PI4KA: variants seen among roughly 807,000 people sequenced by gnomAD.
PI4KA encodes the protein phosphatidylinositol 4-kinase alpha.
A neutral mutation model predicts 271.4 loss-of-function variants in PI4KA; 122 were observed. The observed-to-expected ratio is 0.45, with a 90% CI of 0.39 to 0.52. The LOEUF (loss-of-function observed/expected upper bound fraction) is 0.52, where lower values mean the gene tolerates loss of function less well. Among genes scored for constraint, PI4KA ranks in the 20% least tolerant of loss-of-function variants. The probability of loss-of-function intolerance (pLI) is 0.00; values close to 1 mark genes in which losing one functional copy is unlikely to be tolerated. For missense variants in PI4KA, 1,969 were observed against 2,769.1 expected, an observed-to-expected ratio of 0.71 and a Z score of 6.48; for synonymous variants, 1,041 against 1,078.8, an observed-to-expected ratio of 0.96 and a Z score of 0.69.
chr22:20,848,237 C>CAAGAAAAAAAAAAAAAAAAAAAAAA (rs1569099398), intron 1 of PI4KA, among the ~76,000 whole-genome samples: 1 of 51,226 alleles, frequency 2.0e-5, no homozygotes. Flanking sequence ...GACTCCATCT[C>CAAGAAAAAAAAAAAAAAAAAAAAAA]AAAAAAAAAA....
chr22:20,748,256 T>C (rs1930327210), intron 28 of PI4KA, among the ~76,000 whole-genome samples: 1 of 152,190 alleles, frequency 6.6e-6, no homozygotes, highest in African/African-American at 2.4e-5. Flanking sequence ...GCACCGTCAA[T>C]GGGAGAGGGC....
intron 19 of PI4KA, chr22:20,779,618 C>A: frequency 6.2e-7 from 1 of 1,614,138 alleles, no homozygotes; most frequent in South Asian, 1.1e-5. Flanking sequence ...TGTCAGTTTC[C>A]CCGACAGACT....
At chr22:20,710,570 G>A in intron 52 of PI4KA, 129 bp downstream of exon 52, 6 of 786,192 alleles carry the variant, frequency 7.6e-6, no homozygotes, top group South Asian at 3.5e-5. Context: ...CAAAGGACAG[G>A]TGTAGGTCAG....
At position 20,712,618 on chromosome 22, in the gene PI4KA, G is replaced by A. The variant is rs757720465; in HGVS notation, c.5677-7C>T. On this transcript the variant is annotated splice_polypyrimidine_tract_variant and splice_region_variant and intron_variant, in intron 49 of 54. Transcript: ENST00000255882. The stretch of plus-strand genomic sequence containing the variant: ...TGCACTCGATCACCCCGCACTAGGA[G>A]GAAAGGCCAGTTCTGAGGCCCGCTG... The A allele has an allele frequency of 6.3e-7, 1 of 1,578,872 alleles. No individual in the cohort carries two copies. Among genetic ancestry groups the A allele is most frequent in the African/African-American group, 1.4e-5 (1 of 73,450 alleles).
At chr22:20,782,501 C>T (rs1476135710) in intron 19 of PI4KA, among the ~76,000 whole-genome samples, 1 of 152,144 alleles carries the variant, frequency 6.6e-6, no homozygotes, top group Admixed American at 6.5e-5. Flanking sequence ...GAATCATCTC[C>T]ATTACTAATT....
chr22:20,795,405 C>T (rs1934922875), intron 18 of PI4KA, among the ~76,000 whole-genome samples: 1 of 152,038 alleles, frequency 6.6e-6, no homozygotes, highest in South Asian at 2.1e-4. Flanking sequence ...TATGACCCAA[C>T]CCCAGCCAAT....
Position 20,747,598 on chromosome 22 carries a change from C to T in PI4KA, c.3348G>A (p.Gln1116=). The T allele has an allele frequency of 6.2e-7, 1 of 1,614,118 alleles. No homozygotes were observed. The highest frequency in any genetic ancestry group is 8.5e-7 in the Non-Finnish European group (1 of 1,180,002). The change falls in exon 29 of 55, where the codon CAG becomes CAA. Residue 1116 remains glutamine, a synonymous_variant. Coordinates refer to ENST00000255882, the MANE Select transcript of PI4KA (RefSeq NM_058004.4). ...TCGCACATACCCCAAGAGTTGTGTT[C>T]TGCTTGTTGTAGCCAGCAAAGTGAA... ...SILHFAGYNK[Q]NTTLGATQLS...
intron 30 of PI4KA, 81 bp from the exon 31 acceptor site, chr22:20,742,845 T>C: frequency 7.3e-7 from 1 of 1,371,122 alleles, no homozygotes; most frequent in South Asian, 1.2e-5. Flanking sequence ...AGACCACACT[T>C]GTGGTGGCAC....
chr22:20,727,898 T>C (rs1223268767), intron 39 of PI4KA, 34 bp from the exon 40 acceptor site: 3 of 1,549,744 alleles, frequency 1.9e-6, no homozygotes, highest in Non-Finnish European at 2.7e-6. Context: ...TGGTGCTGCC[T>C]CGCCAGGGAA....
intron 15 of PI4KA, 119 bp from the exon 16 acceptor site, chr22:20,799,395 T>C (rs1935166438): frequency 1.0e-6 from 1 of 997,994 alleles, no homozygotes; most frequent in Non-Finnish European, 1.4e-6. Context: ...GCAGTGTTCA[T>C]CTGAAACTGA....
At position 20,729,354 on chromosome 22, in the gene PI4KA, G is replaced by A. The variant is rs1458256125; in HGVS notation, c.4641C>T (p.Ala1547=). The A allele has an allele frequency of 6.2e-7, 1 of 1,614,132 alleles. No homozygotes were observed. Among genetic ancestry groups the A allele is most frequent in the Non-Finnish European group, 8.5e-7 (1 of 1,180,024 alleles). The change falls in exon 39 of 55, where the codon GCC becomes GCT. Residue 1547 remains alanine (A), a synonymous_variant. Transcript: ENST00000255882. ...CGGCTAGGTAGGGAGAGATGCTCCA[G>A]GCGAGGTTCACGTTGTCCTTCCACT... is the stretch of plus-strand genomic sequence containing the variant. ...EKQWKDNVNL[A]WSISPYLAVQ...
Position 20,714,718 on chromosome 22 carries a change from C to T in PI4KA, c.5318-18G>A. ...GTAGCAGCCTGTGCAGGGACAGAGG[C>T]AGTCACAGGGAGTGCATGTGTCACC... On this transcript the variant is annotated intron_variant, in intron 45 of 54. Coordinates refer to ENST00000255882, the MANE Select transcript of PI4KA (RefSeq NM_058004.4). 3.1e-6 allele frequency: 5 copies of T among 1,612,060 alleles called. No individual in the cohort carries two copies. The highest frequency in any genetic ancestry group is 4.2e-6 in the Non-Finnish European group (5 of 1,178,956).
At chr22:20,756,609 T>C (rs1287234068) in intron 23 of PI4KA, among the ~76,000 whole-genome samples, 1 of 151,808 alleles carries the variant, frequency 6.6e-6, no homozygotes, top group Non-Finnish European at 1.5e-5. Flanking sequence ...ATCAATGTCA[T>C]GTAGTAGCAT....
chr22:20,792,433 G>A (rs537416669), intron 19 of PI4KA, among the ~76,000 whole-genome samples: 32 of 152,170 alleles, frequency 2.1e-4, no homozygotes, highest in Non-Finnish European at 4.4e-4. Flanking sequence ...CAAGGTGAAG[G>A]GGACACATGC....
chr22:20,805,667 A>C (rs1447884472), intron 10 of PI4KA, among the ~76,000 whole-genome samples: 1 of 151,802 alleles, frequency 6.6e-6, no homozygotes, highest in Non-Finnish European at 1.5e-5. Flanking sequence ...CCCATCTCTA[A>C]TAAAAATACA....
chr22:20,793,477 T>C (rs544382711), intron 18 of PI4KA: 2 of 451,572 alleles, frequency 4.4e-6, no homozygotes, highest in East Asian at 7.2e-5. Flanking sequence ...ACATAAATCA[T>C]GGTACTTCTG....
Position 20,729,491 on chromosome 22 carries a change from G to A in PI4KA, c.4504C>T (p.Arg1502Cys), listed in dbSNP as rs747493613. The A allele has an allele frequency of 1.4e-5, 22 of 1,599,576 alleles. No homozygotes were observed. The highest frequency in any genetic ancestry group is 4.5e-5 in the East Asian group (2 of 44,152). ...LLSLLATEIE[R>C]LITWYNPLSA... ...AGCGGGTTGTACCATGTGATGAGAC[G>A]CTCGATCTCAGTGGCCTGGCAAGAT... The change falls in exon 39 of 55, where the codon CGT becomes TGT. Residue 1502 changes from arginine to cysteine, a missense_variant. By Grantham distance (180) the Arg-to-Cys change is radical. This residue lies in a region of PI4KA where 388 missense variants were observed against 521.5 expected (regional missense o/e 0.74). Coordinates refer to ENST00000255882, the MANE Select transcript of PI4KA (RefSeq NM_058004.4).
chr22:20,819,178 G>A (rs1444141108), intron 6 of PI4KA, among the ~76,000 whole-genome samples: 1 of 152,090 alleles, frequency 6.6e-6, no homozygotes, highest in East Asian at 1.9e-4. Context: ...CTATAGTAGC[G>A]GCAGTTTAAA....
intron 1 of PI4KA, among the ~76,000 whole-genome samples, chr22:20,844,818 A>G (rs1355789638): frequency 6.6e-6 from 1 of 152,198 alleles, no homozygotes; most frequent in African/African-American, 2.4e-5. Context: ...CCCCTTTTAC[A>G]TATGATGAAA....
Sources: gnomAD v4.1 joint callset for allele counts (sites outside exome capture counted in the v4.1 genomes callset) on GRCh38, gnomAD v4.1.1 for gene constraint, gnomAD v4.1.1 regional missense constraint, MANE v1.5 for transcripts, NCBI Gene and HGNC (gene_info 2026-07-23, HGNC 2026-07-21) for gene names.